Variants in TENM2 observed in about 807,000 individuals in gnomAD.
TENM2 encodes the protein teneurin-2.
A neutral mutation model predicts 245.2 loss-of-function variants in TENM2; 52 were observed. The observed-to-expected ratio is 0.21, with a 90% CI of 0.17 to 0.27. The LOEUF is 0.27. TENM2 is among the 10% of genes least tolerant of loss of function. The probability of loss-of-function intolerance (pLI) is 1.00; values close to 1 mark genes in which losing one functional copy is unlikely to be tolerated. For synonymous variants in TENM2, 1,363 were observed against 1,438.9 expected (o/e 0.95, Z 1.19); for missense variants, 3,046 against 3,666.8 (o/e 0.83, Z 4.37).
chr5:167,466,698 G>A (rs982720199), intron 2 of TENM2, among the ~76,000 whole-genome samples: 1 of 152,078 alleles, frequency 6.6e-6, no homozygotes, highest in Non-Finnish European at 1.5e-5. Context: ...AATGGAAAAT[G>A]ATTTTTCCAA....
At chr5:167,801,546 TAAAC>T (rs1765773623) in intron 2 of TENM2, among the ~76,000 whole-genome samples, 1 of 152,014 alleles carries the variant, frequency 6.6e-6, no homozygotes, top group South Asian at 2.1e-4. Context: ...AATTCACAGA[TAAAC>T]AAAGTCCCAT....
At chr5:168,198,753 T>C (rs533752768) in intron 15 of TENM2, 100 bp from the exon 18 acceptor site, 2 of 1,432,204 alleles carry the variant, frequency 1.4e-6, no homozygotes, top group Admixed American at 1.8e-5. Flanking sequence ...GTCTCCTCTG[T>C]GCTCTGCCCA....
At chr5:167,712,279 C>G (rs1758964841) in intron 2 of TENM2, among the ~76,000 whole-genome samples, 2 of 152,076 alleles carry the variant, frequency 1.3e-5, no homozygotes, top group South Asian at 4.1e-4. Context: ...ATTCCATTAA[C>G]AAGTTTTAAG....
intron 2 of TENM2, among the ~76,000 whole-genome samples, chr5:167,426,879 T>C (rs948141033): frequency 6.6e-6 from 1 of 152,112 alleles, no homozygotes; most frequent in Non-Finnish European, 1.5e-5. Flanking sequence ...ATCTCAAACA[T>C]TATTTTCACT....
At chr5:167,598,706 A>G (rs951876409) in intron 2 of TENM2, among the ~76,000 whole-genome samples, 1 of 152,114 alleles carries the variant, frequency 6.6e-6, no homozygotes, top group African/African-American at 2.4e-5. Flanking sequence ...TCTTGGAGTC[A>G]CTAGTATTTT....
intron 12 of TENM2, chr5:168,129,559 TCCTC>T (rs1205533467): frequency 1.3e-5 from 2 of 152,204 alleles, no homozygotes; most frequent in African/African-American, 4.8e-5. Context: ...ATGTGCCATC[TCCTC>T]ATAGTTATGT....
chr5:166,993,897 A>AT, the TENM2 span, among the ~76,000 whole-genome samples: 1 of 152,274 alleles, frequency 6.6e-6, no homozygotes, highest in Admixed American at 6.5e-5. Context: ...ATGAATTATT[A>AT]TTTTTTGTGT....
chr5:167,235,182 T>C, the TENM2 span, among the ~76,000 whole-genome samples: 1 of 152,196 alleles, frequency 6.6e-6, no homozygotes, highest in African/African-American at 2.4e-5. Flanking sequence ...CCTCTGTGCT[T>C]GTCTGTGTTC....
chr5:167,976,982 G>T (rs1157050238), intron 4 of TENM2, among the ~76,000 whole-genome samples: 1 of 152,162 alleles, frequency 6.6e-6, no homozygotes, highest in East Asian at 1.9e-4. Flanking sequence ...GGAATACTAT[G>T]CAGCCATAAA....
chr5:167,125,843 T>C, the TENM2 span, among the ~76,000 whole-genome samples: 1 of 152,230 alleles, frequency 6.6e-6, no homozygotes, highest in South Asian at 2.1e-4. Context: ...AGTCCACTTA[T>C]GGTAACTAAA....
chr5:167,634,871 A>C (rs893250483), intron 2 of TENM2, among the ~76,000 whole-genome samples: 11 of 152,298 alleles, frequency 7.2e-5, no homozygotes, highest in African/African-American at 2.6e-4. Flanking sequence ...TTTAGAGGAC[A>C]TTCAGGGATA....
At chr5:168,204,977 A>G (rs1429383689) in intron 19 of TENM2, among the ~76,000 whole-genome samples, 4 of 152,242 alleles carry the variant, frequency 2.6e-5, no homozygotes, top group African/African-American at 9.6e-5. Flanking sequence ...GAGCACCTCT[A>G]TCTGGCTAGC....
intron 7 of TENM2, among the ~76,000 whole-genome samples, chr5:168,076,050 A>C (rs1041585059): frequency 5.9e-5 from 9 of 152,044 alleles, no homozygotes; most frequent in African/African-American, 2.2e-4. Flanking sequence ...ACACAGCCAA[A>C]CCATATCAGT....
chr5:168,246,770 T>C lies in TENM2; in HGVS notation c.5831T>C (p.Leu1944Pro). Residue 1944 changes from leucine to proline, a missense_variant, in exon 27 of 29, where the codon CTG becomes CCG. Physicochemically the swap from Leu to Pro is moderately conservative, Grantham distance 98. Transcript: ENST00000518659. Reference sequence around the variant, plus strand: ...TCCTTTCTGCAGTCCATGGTCCTCCTGCTTCAGAGCCAACGTCAGTATATA... The same window carrying C: ...TCCTTTCTGCAGTCCATGGTCCTCCCGCTTCAGAGCCAACGTCAGTATATA... 2.5e-6 allele frequency: 4 copies of C among 1,613,736 alleles called. No homozygotes were observed. Among genetic ancestry groups the C allele is most frequent in the Non-Finnish European group, 3.4e-6 (4 of 1,179,672 alleles).
chr5:167,150,695 A>C, the TENM2 span, among the ~76,000 whole-genome samples: 1 of 152,208 alleles, frequency 6.6e-6, no homozygotes, highest in Admixed American at 6.5e-5. Context: ...TCTACATCTT[A>C]TATGAAGCTT....
At chr5:167,258,215 G>GTATATATATATGTGTATATATATATATA in the TENM2 span, among the ~76,000 whole-genome samples, 6 of 122,882 alleles carry the variant, frequency 4.9e-5, no homozygotes, top group African/African-American at 1.9e-4. Context: ...ATATATATAT[G>GTATATATATATGTGTATATATATATATA]TATATATATA....
Position 168,085,161 on chromosome 5 carries a change from A to G in TENM2, c.1516-5413A>G, listed in dbSNP as rs140223223. On this transcript the variant is annotated intron_variant, in intron 7 of 28. Coordinates refer to ENST00000518659, the Ensembl canonical transcript of TENM2. ...AGGGTTTTGGGGAGGATGAAATGTG[A>G]TAACACACATCAGCATTTGCTATTA... is the stretch of plus-strand genomic sequence containing the variant. 9.8e-4 allele frequency among the ~76,000 whole-genome samples: 150 copies of G among 152,364 alleles called. 1 individual carries two copies. The highest frequency in any genetic ancestry group is 6.8e-3 in the Middle Eastern group (2 of 294).
At position 168,244,775 on chromosome 5, in the gene TENM2, T is replaced by C. The variant is rs149602616; in HGVS notation, c.5817+59T>C. On this transcript the variant is annotated intron_variant, in intron 26 of 28. Coordinates refer to ENST00000518659, the Ensembl canonical transcript of TENM2. This position sits in a 1 kb window ranked among gnomAD's most constrained non-coding sequence, Gnocchi z 4.9. The stretch of plus-strand genomic sequence containing the variant: ...TTCTGTTATTTCTGTTATTCCGGCT[T>C]CTTTTTTTTTTTGAGACAGAGACTT... 6.0e-6 allele frequency: 8 copies of C among 1,337,072 alleles called. No homozygotes were observed. The African/African-American group carries it at 9.3e-5, about 16-fold the overall frequency. The allele number at this position is 1,337,072 out of a possible 1,614,324, so 82.8% of individuals were successfully genotyped here.
At chr5:167,451,228 T>C (rs564431368) in intron 2 of TENM2, among the ~76,000 whole-genome samples, 38 of 152,138 alleles carry the variant, frequency 2.5e-4, no homozygotes, top group Non-Finnish European at 4.7e-4. Context: ...GACCCCAAGA[T>C]TGTCAGAGCC....
Sources: allele counts gnomAD v4.1 joint callset (sites outside exome capture counted in the v4.1 genomes callset), GRCh38; gene constraint gnomAD v4.1.1; non-coding constraint Gnocchi (gnomAD v3.1); transcripts MANE v1.5; gene names NCBI Gene and HGNC (gene_info 2026-07-23, HGNC 2026-07-21).